The following SYCP1 variants were observed in gnomAD, a reference collection of about 807,000 sequenced individuals.
The protein encoded by SYCP1 is cancer/testis antigen 8.
A neutral mutation model predicts 153.1 loss-of-function variants in SYCP1; 64 were observed. The ratio of observed to expected loss-of-function variants is 0.42; its 90% CI spans 0.34 to 0.51. The LOEUF (loss-of-function observed/expected upper bound fraction) is 0.51. SYCP1 is among the 20% of genes least tolerant of loss of function. The probability of loss-of-function intolerance (pLI) is 0.06; values close to 1 mark genes in which losing one functional copy is unlikely to be tolerated. For missense variants in SYCP1, 997 were observed against 1,049.0 expected (o/e 0.95, Z 0.68); for synonymous variants, 384 against 341.8 (o/e 1.12, Z -1.36).
Position 114,926,082 on chromosome 1 carries a change from T to C in SYCP1, c.1801-196T>C, listed in dbSNP as rs73004452. Among the ~76,000 whole-genome samples the C allele has an allele frequency of 6.8e-3, 1,035 of 152,202 alleles. 7 individuals carry two copies. The highest frequency in any genetic ancestry group is 0.024 in the African/African-American group (978 of 41,536). On this transcript the variant is annotated intron_variant, in intron 21 of 31. Transcript: ENST00000369522. Reference sequence around the variant, plus strand: ...TGAACCCAGGAGTTGGAAGTTGCAGTGAGCTATGATTGCATTTGTATTTAG... The same window carrying C: ...TGAACCCAGGAGTTGGAAGTTGCAGCGAGCTATGATTGCATTTGTATTTAG...
At chr1:114,874,900 C>T (rs1418396414) in intron 9 of SYCP1, among the ~76,000 whole-genome samples, 1 of 152,164 alleles carries the variant, frequency 6.6e-6, no homozygotes, top group Non-Finnish European at 1.5e-5. Flanking sequence ...TTTGTTTTCT[C>T]ATCTCCTGTC....
chr1:114,965,355 C>A (rs922139359), intron 27 of SYCP1, among the ~76,000 whole-genome samples: 2 of 152,112 alleles, frequency 1.3e-5, no homozygotes, highest in African/African-American at 4.8e-5. Flanking sequence ...TTATTTGTTT[C>A]TCTTACCTGA....
At chr1:114,894,954 G>A (rs1053355740) in intron 15 of SYCP1, among the ~76,000 whole-genome samples, 2 of 152,066 alleles carry the variant, frequency 1.3e-5, no homozygotes, top group Admixed American at 6.5e-5. Flanking sequence ...ATGTTTAGAC[G>A]AGATAAGGGA....
intron 30 of SYCP1, among the ~76,000 whole-genome samples, chr1:114,987,913 G>A (rs1476099177): frequency 6.6e-6 from 1 of 151,384 alleles, no homozygotes; most frequent in Admixed American, 6.6e-5. Context: ...AATATTGATA[G>A]AGAGTTAGAA....
chr1:114,970,294 G>A (rs1672395864), intron 27 of SYCP1, among the ~76,000 whole-genome samples: 2 of 151,844 alleles, frequency 1.3e-5, no homozygotes, highest in African/African-American at 4.8e-5. Flanking sequence ...TGTTTCTTCA[G>A]AGATTTTTTT....
chr1:114,898,206 A>T (rs1271496686), intron 16 of SYCP1, among the ~76,000 whole-genome samples: 1 of 151,874 alleles, frequency 6.6e-6, no homozygotes, highest in Non-Finnish European at 1.5e-5. Context: ...TGTTGCATGG[A>T]CTCCTTATCG....
At chr1:114,961,145 T>A (rs1257181186) in intron 27 of SYCP1, among the ~76,000 whole-genome samples, 1 of 152,178 alleles carries the variant, frequency 6.6e-6, no homozygotes, top group Non-Finnish European at 1.5e-5. Context: ...CATGTTAAGG[T>A]GTTCATAGTA....
rs1051061016 is a variant in SYCP1 at position 114,876,763 on chromosome 1, C to T, written c.754C>T (p.His252Tyr). 3.6e-6 allele frequency: 5 copies of T among 1,393,866 alleles called. No homozygotes were observed. The African/African-American group carries it at 7.6e-5, about 21-fold the overall frequency. The allele number at this position is 1,393,866 out of a possible 1,614,324, so 86.3% of individuals were successfully genotyped here. A position where few individuals can be genotyped will look rare whatever the true frequency, so the allele number is the denominator to read the frequency against. Residue 252 changes from histidine (H) to tyrosine (Y), a missense_variant, in exon 11 of 32, where the codon CAC becomes TAC. Coordinates refer to ENST00000369522, the MANE Select transcript of SYCP1 (RefSeq NM_003176.4). ...KLKEDYEKIQ[H>Y]LEQEYKKEIN... Reference sequence around the variant, plus strand: ...AAAGGAAGATTATGAAAAAATCCAACACCTTGAACAAGAATACAAGAAGGA... The same window carrying T: ...AAAGGAAGATTATGAAAAAATCCAATACCTTGAACAAGAATACAAGAAGGA...
chr1:114,944,477 A>C, intron 24 of SYCP1, 22 bp downstream of exon 24: 1 of 1,342,962 alleles, frequency 7.4e-7, no homozygotes, highest in Non-Finnish European at 1.0e-6. Flanking sequence ...TTAATGTATT[A>C]AGAACTTATT....
At chr1:114,894,415 T>TTG (rs1157548216) in intron 15 of SYCP1, among the ~76,000 whole-genome samples, 2 of 152,210 alleles carry the variant, frequency 1.3e-5, no homozygotes, top group Non-Finnish European at 2.9e-5. Flanking sequence ...AGCTGACAGC[T>TTG]GGACATATTA....
rs1042563685 is a variant in SYCP1 at position 114,889,213 on chromosome 1, A to G, written c.1258+1520A>G. On this transcript the variant is annotated intron_variant, in intron 15 of 31. Coordinates refer to ENST00000369522, the MANE Select transcript of SYCP1 (RefSeq NM_003176.4). ...TAGCATGATTTATAATCCTTTGGGT[A>G]TATACCCAGTAATGGGATTGCTGGG... Among the ~76,000 whole-genome samples the G allele has an allele frequency of 3.3e-5, 5 of 152,190 alleles. No homozygotes were observed. The East Asian group carries it at 9.6e-4, about 29-fold the overall frequency.
intron 23 of SYCP1, among the ~76,000 whole-genome samples, chr1:114,935,881 A>AT (rs1283709955): frequency 6.6e-6 from 1 of 152,046 alleles, no homozygotes; most frequent in Non-Finnish European, 1.5e-5. Flanking sequence ...GAGTAGACCA[A>AT]AAAGGTTCTG....
chr1:114,938,047 T>G (rs1315470781), intron 23 of SYCP1, among the ~76,000 whole-genome samples: 2 of 152,096 alleles, frequency 1.3e-5, no homozygotes, highest in Non-Finnish European at 2.9e-5. Flanking sequence ...CCATTACTGG[T>G]TATATACCCA....
rs1669547125 is a variant in SYCP1 at position 114,930,419 on chromosome 1, A to T, written c.1926+3856A>T. On this transcript the variant is annotated intron_variant, in intron 23 of 31. Transcript: ENST00000369522. Reference sequence around the variant, plus strand: ...AAGCTGATAAGCCCTAGCAGAACTGACCACAAAAAAAGGGAGAGAAAGTAA... The same window carrying T: ...AAGCTGATAAGCCCTAGCAGAACTGTCCACAAAAAAAGGGAGAGAAAGTAA... 2.6e-5 allele frequency among the ~76,000 whole-genome samples: 4 copies of T among 152,008 alleles called. No homozygotes were observed. In the South Asian group the frequency reaches 8.3e-4, roughly 31 times the overall value.
At chr1:114,866,876 A>G (rs929064049) in intron 8 of SYCP1, among the ~76,000 whole-genome samples, 3 of 150,546 alleles carry the variant, frequency 2.0e-5, no homozygotes, top group African/African-American at 7.3e-5. Context: ...AATTTTTGTT[A>G]AGGGTGTAAG....
intron 11 of SYCP1, among the ~76,000 whole-genome samples, chr1:114,877,577 C>A (rs1479694013): frequency 6.6e-6 from 1 of 152,050 alleles, no homozygotes; most frequent in Non-Finnish European, 1.5e-5. Context: ...AGTACTGAAA[C>A]GCTTTTTGGA....
At chr1:114,945,156 A>G (rs554319871) in intron 25 of SYCP1, among the ~76,000 whole-genome samples, 174 bp downstream of exon 25, 1 of 152,084 alleles carries the variant, frequency 6.6e-6, no homozygotes, top group African/African-American at 2.4e-5. Context: ...TCAGATCTTA[A>G]CCATACAAAG....
At position 114,896,235 on chromosome 1, in the gene SYCP1, G is replaced by A. The variant is rs527898240; in HGVS notation, c.1320+726G>A. On this transcript the variant is annotated intron_variant, in intron 16 of 31. Transcript: ENST00000369522. The stretch of plus-strand genomic sequence containing the variant: ...GTGTTTACCTATCACATCTCTACCT[G>A]ATTTTGCAGCTCCTAGTTCTTCTGT... Among the ~76,000 whole-genome samples, 8 of 152,192 alleles carry A rather than the reference G, an allele frequency of 5.3e-5. No individual in the cohort carries two copies. In the South Asian group the frequency reaches 1.7e-3, roughly 32 times the overall value.
At chr1:114,986,578 A>C (rs1360450085) in intron 30 of SYCP1, among the ~76,000 whole-genome samples, 1 of 152,030 alleles carries the variant, frequency 6.6e-6, no homozygotes, top group Non-Finnish European at 1.5e-5. Flanking sequence ...CACATTTCAC[A>C]ATCAGTTTCC....
Sources: gnomAD v4.1 joint callset for allele counts (sites outside exome capture counted in the v4.1 genomes callset) on GRCh38, gnomAD v4.1.1 for gene constraint, MANE v1.5 for transcripts, NCBI Gene and HGNC (gene_info 2026-07-23, HGNC 2026-07-21) for gene names.